Variants in CDIN1 observed in about 807,000 individuals in gnomAD.
CDIN1 encodes CDAN1 interacting nuclease 1, also known as CDAN1-interacting nuclease 1.
In CDIN1, 33 loss-of-function variants were observed where a neutral mutation model predicts 45.3. The observed-to-expected ratio is 0.73, with a 90% confidence interval of 0.55 to 0.97. The LOEUF (loss-of-function observed/expected upper bound fraction) is 0.97, where lower values mean the gene tolerates loss of function less well. Among genes scored for constraint, CDIN1 ranks in the 50% least tolerant of loss-of-function variants. The pLI is 0.00. For synonymous variants in CDIN1, 118 were observed against 124.4 expected (o/e 0.95, Z 0.34); for missense variants, 303 against 339.4 (o/e 0.89, Z 0.84).
At chr15:36,757,003 T>C (rs1380818846) in intron 10 of CDIN1, among the ~76,000 whole-genome samples, 1 of 152,136 alleles carries the variant, frequency 6.6e-6, no homozygotes. Context: ...CAACGGAAAG[T>C]GAAAAGGCTT....
At chr15:36,769,219 G>A (rs1295635411) in intron 10 of CDIN1, among the ~76,000 whole-genome samples, 1 of 152,176 alleles carries the variant, frequency 6.6e-6, no homozygotes, top group Non-Finnish European at 1.5e-5. Context: ...TTGGACATAT[G>A]TGTACATATA....
chr15:36,751,710 C>T (rs1429453828), intron 10 of CDIN1, among the ~76,000 whole-genome samples: 3 of 152,004 alleles, frequency 2.0e-5, no homozygotes, highest in South Asian at 4.2e-4. Context: ...ATGTTCATTG[C>T]AGCACTATTC....
intron 1 of CDIN1, among the ~76,000 whole-genome samples, chr15:36,592,634 A>G (rs1228766090): frequency 1.3e-5 from 2 of 152,082 alleles, no homozygotes; most frequent in African/African-American, 4.8e-5. Flanking sequence ...TTCCCTTACT[A>G]TAGTTAGCAT....
chr15:36,802,199 A>AT (rs2055072711), intron 10 of CDIN1, among the ~76,000 whole-genome samples: 1 of 152,196 alleles, frequency 6.6e-6, no homozygotes, highest in Non-Finnish European at 1.5e-5. Context: ...TAAAATGAGG[A>AT]TAGTCATAGT....
At chr15:36,645,105 G>A (rs1387006947) in intron 2 of CDIN1, 118 bp from the exon 3 acceptor site, 1 of 749,160 alleles carries the variant, frequency 1.3e-6, no homozygotes, top group Non-Finnish European at 2.3e-6. Flanking sequence ...TTCCCAAGCT[G>A]TTATTCAGTG....
chr15:36,724,841 C>T (rs964842162), intron 10 of CDIN1, among the ~76,000 whole-genome samples: 9 of 152,146 alleles, frequency 5.9e-5, no homozygotes, highest in Non-Finnish European at 1.2e-4. Context: ...TGCACTGAAT[C>T]TGATTATTCA....
At chr15:36,701,136 A>G (rs912464566) in intron 8 of CDIN1, among the ~76,000 whole-genome samples, 1 of 148,170 alleles carries the variant, frequency 6.7e-6, no homozygotes, top group Non-Finnish European at 1.5e-5. Flanking sequence ...ATAGATAGAT[A>G]GATAGATAGA....
At chr15:36,595,894 T>C (rs16963631) in intron 1 of CDIN1, among the ~76,000 whole-genome samples, 1,582 of 152,340 alleles carry the variant, frequency 0.01, 28 homozygotes, top group African/African-American at 0.036. Flanking sequence ...TCTGACGGCA[T>C]ATCATCAGTA....
chr15:36,613,560 G>T (rs534202032), intron 1 of CDIN1: 8 of 1,501,084 alleles, frequency 5.3e-6, no homozygotes, highest in African/African-American at 1.4e-5. Context: ...TGAGCTGAGC[G>T]CCTCCAGCAA....
intron 8 of CDIN1, among the ~76,000 whole-genome samples, chr15:36,702,951 A>G (rs1897330776): frequency 6.6e-6 from 1 of 151,396 alleles, no homozygotes; most frequent in South Asian, 2.1e-4. Flanking sequence ...CTGTAATCCC[A>G]GCACTTTGGG....
At chr15:36,678,551 G>A (rs553880860) in intron 5 of CDIN1, among the ~76,000 whole-genome samples, 3 of 152,164 alleles carry the variant, frequency 2.0e-5, no homozygotes, top group African/African-American at 4.8e-5. Flanking sequence ...TTTTAAGTGG[G>A]GAGAGAACTA....
At chr15:36,667,980 C>G (rs2041314621) in intron 5 of CDIN1, 1 of 152,102 alleles carries the variant, frequency 6.6e-6, no homozygotes, top group Non-Finnish European at 1.5e-5. Flanking sequence ...TCATTGTATA[C>G]AAGCTAACCT....
chr15:36,774,809 C>A (rs1407758107), intron 10 of CDIN1, among the ~76,000 whole-genome samples: 1 of 152,096 alleles, frequency 6.6e-6, no homozygotes, highest in Non-Finnish European at 1.5e-5. Flanking sequence ...AAATCTGTCG[C>A]ATTATTAAAT....
chr15:36,763,767 C>G (rs1472780135), intron 10 of CDIN1, among the ~76,000 whole-genome samples: 1 of 152,098 alleles, frequency 6.6e-6, no homozygotes, highest in Non-Finnish European at 1.5e-5. Context: ...GAGTTCAACT[C>G]AACCTCAGGC....
chr15:36,737,482 A>G (rs576590305), intron 10 of CDIN1, among the ~76,000 whole-genome samples: 13 of 152,284 alleles, frequency 8.5e-5, no homozygotes, highest in African/African-American at 3.1e-4. Context: ...TGTGACAGGG[A>G]CTACATGGAG....
At chr15:36,740,524 CAT>C (rs925342021) in intron 10 of CDIN1, among the ~76,000 whole-genome samples, 2 of 152,158 alleles carry the variant, frequency 1.3e-5, no homozygotes, top group African/African-American at 4.8e-5. Context: ...CAGCTCATCT[CAT>C]GTGGCTATGG....
intron 10 of CDIN1, among the ~76,000 whole-genome samples, chr15:36,781,836 A>T (rs1481726797): frequency 6.6e-6 from 1 of 152,202 alleles, no homozygotes; most frequent in Non-Finnish European, 1.5e-5. Flanking sequence ...TTTATTGGGC[A>T]CCCAAAGGTG....
rs2042471342 is a variant in CDIN1, at chr15:36,697,395, G to A, written c.544+5G>A. Reference sequence around the variant, plus strand: ...AGAAAAACCTGTCCTTCCTAGGTAAGTATTATTCACATCTTCTCTAGCTTG... The same window carrying A: ...AGAAAAACCTGTCCTTCCTAGGTAAATATTATTCACATCTTCTCTAGCTTG... On this transcript the variant is annotated splice_donor_5th_base_variant and intron_variant, in intron 8 of 10. Coordinates refer to ENST00000566621, the MANE Select transcript of CDIN1 (RefSeq NM_001321759.2). 3.1e-6 allele frequency: 5 copies of A among 1,605,920 alleles called. No individual in the cohort carries two copies. The highest frequency in any genetic ancestry group is 3.4e-6 in the Non-Finnish European group (4 of 1,175,870).
At chr15:36,602,754 C>T (rs543760264) in intron 1 of CDIN1, among the ~76,000 whole-genome samples, 21 of 152,162 alleles carry the variant, frequency 1.4e-4, no homozygotes, top group Non-Finnish European at 2.6e-4. Context: ...GGGCAGATCA[C>T]GAGGTCAGGA....
Sources: gnomAD v4.1 joint callset for allele counts (sites outside exome capture counted in the v4.1 genomes callset) on GRCh38, gnomAD v4.1.1 for gene constraint, MANE v1.5 for transcripts, NCBI Gene and HGNC (gene_info 2026-07-23, HGNC 2026-07-21) for gene names.